Variants in PCDHA7 observed in about 807,000 individuals in gnomAD.
The protein encoded by PCDHA7 is protocadherin alpha 7.
PCDHA7 carries 37 observed loss-of-function variants against 57.2 expected under a neutral mutation model. The observed-to-expected ratio is 0.65, with a 90% confidence interval of 0.50 to 0.85. PCDHA7 has a LOEUF of 0.85. Ranked by LOEUF, PCDHA7 falls within the 40% of genes least tolerant of loss-of-function variation. PCDHA7 has a pLI of 0.00. For missense variants in PCDHA7, 1,188 were observed against 1,241.8 expected (o/e 0.96, Z 0.65); for synonymous variants, 553 against 558.8 (o/e 0.99, Z 0.15).
chr5:140,928,399 T>C (rs1554205848), intron 1 of PCDHA7: 1 of 1,613,926 alleles, frequency 6.2e-7, no homozygotes, highest in African/African-American at 1.3e-5. Flanking sequence ...AGTGGAATCA[T>C]CCAGTGGGGC....
intron 1 of PCDHA7, chr5:140,867,441 G>A (rs1188505395): frequency 1.3e-5 from 2 of 152,032 alleles, no homozygotes; most frequent in African/African-American, 4.8e-5. Flanking sequence ...GCATTTACCT[G>A]AATTAGAGTT....
rs2098416892 is a variant in PCDHA7, at chr5:141,010,305, G to A, written c.*368G>A. ...TGACACTTGCAGGGCAGGCTGAAAA[G>A]TTTTGAGATTGAGCAGCTTGGGAGT... is the stretch of plus-strand genomic sequence containing the variant. On this transcript the variant is annotated 3_prime_UTR_variant, in exon 4 of 4. Coordinates refer to ENST00000525929, the MANE Select transcript of PCDHA7 (RefSeq NM_018910.3). 1 of 1,548,478 alleles carries A rather than the reference G, an allele frequency of 6.5e-7. No individual in the cohort carries two copies. The highest frequency in any genetic ancestry group is 2.4e-5 in the East Asian group (1 of 40,890).
intron 1 of PCDHA7, among the ~76,000 whole-genome samples, chr5:140,886,721 G>A (rs2061104522): frequency 6.6e-6 from 1 of 151,592 alleles, no homozygotes; most frequent in Non-Finnish European, 1.5e-5. Context: ...AGCTACTTGG[G>A]AGGCTGAAGC....
At position 140,876,392 on chromosome 5, in the gene PCDHA7, A is replaced by C. The variant is rs373053230; in HGVS notation, c.2355+39654A>C. ...ACAGGTGAAATTAGAATTTATGGTG[A>C]ACTGGATTTTGAAGAGAATAATGCC... On this transcript the variant is annotated intron_variant, in intron 1 of 3. Transcript: ENST00000525929. 1.2e-4 allele frequency: 194 copies of C among 1,613,822 alleles called. No individual in the cohort carries two copies. The highest frequency in any genetic ancestry group is 1.6e-4 in the Non-Finnish European group (184 of 1,179,914).
At position 140,993,460 on chromosome 5, in the gene PCDHA7, T is replaced by TCACACA. The variant is rs1554253699; in HGVS notation, c.2503+10898_2503+10899insACACAC. ...TTCATTCCTGTTCTCCTTCTTTCTT[T>TCACACA]CTCACACACACACACACACACACAC... On this transcript the variant is annotated intron_variant, in intron 3 of 3. Transcript: ENST00000525929. Among the ~76,000 whole-genome samples, 49 of 104,564 alleles carry TCACACA rather than the reference T, an allele frequency of 4.7e-4. 1 individual carries two copies. Among genetic ancestry groups the TCACACA allele is most frequent in the Admixed American group, 1.8e-3 (15 of 8,460 alleles). 68.6% of individuals were successfully genotyped at this position (104,564 alleles called of 152,430 possible).
chr5:140,850,675 C>A (rs2150493362), intron 1 of PCDHA7: 3 of 1,598,470 alleles, frequency 1.9e-6, no homozygotes, highest in Non-Finnish European at 2.6e-6. Context: ...TCGGCGATGC[C>A]CACCGAGGGC....
At position 140,910,974 on chromosome 5, in the gene PCDHA7, T is replaced by G. The variant is rs114099897; in HGVS notation, c.2356-67975T>G. Among the ~76,000 whole-genome samples the G allele has an allele frequency of 8.0e-3, 1,211 of 152,160 alleles. 6 individuals carry two copies. The highest frequency in any genetic ancestry group is 0.019 in the African/African-American group (781 of 41,520). On this transcript the variant is annotated intron_variant, in intron 1 of 3. Coordinates refer to ENST00000525929, the MANE Select transcript of PCDHA7 (RefSeq NM_018910.3). ...CGAGTGTAGCACACCTCCTCATGGG[T>G]TATACTCTGAACCTCACCCCTAGGG...
chr5:140,956,852 G>A (rs931766503), intron 1 of PCDHA7, among the ~76,000 whole-genome samples: 1 of 152,062 alleles, frequency 6.6e-6, no homozygotes. Flanking sequence ...TGGGTTAAAT[G>A]GTTGAATGAA....
At chr5:140,948,823 A>G (rs1554218722) in intron 1 of PCDHA7, among the ~76,000 whole-genome samples, 2 of 151,238 alleles carry the variant, frequency 1.3e-5, no homozygotes, top group African/African-American at 4.8e-5. Flanking sequence ...TATTTCATTA[A>G]TTTCTGCTTT....
At chr5:140,841,954 C>A (rs1282125752) in intron 1 of PCDHA7, 1 of 1,613,776 alleles carries the variant, frequency 6.2e-7, no homozygotes, top group Non-Finnish European at 8.5e-7. Context: ...ACCACTTATT[C>A]CTGACAGCCA....
intron 1 of PCDHA7, among the ~76,000 whole-genome samples, chr5:140,926,169 G>C (rs1212199081): frequency 6.6e-6 from 1 of 151,734 alleles, no homozygotes; most frequent in Non-Finnish European, 1.5e-5. Flanking sequence ...GCAGGATCCA[G>C]CGCGGAAAGC....
At chr5:140,850,217 C>A (rs2150473800) in intron 1 of PCDHA7, 2 of 1,593,480 alleles carry the variant, frequency 1.3e-6, no homozygotes, top group African/African-American at 1.3e-5. Context: ...GGGGCACTGA[C>A]GGCGCAGTGA....
rs183321184 is a variant in PCDHA7 at position 140,907,756 on chromosome 5, C to G, written c.2355+71018C>G. 7.8e-3 allele frequency among the ~76,000 whole-genome samples: 1,193 copies of G among 152,264 alleles called. 22 individuals carry two copies. The highest frequency in any genetic ancestry group is 0.027 in the African/African-American group (1,101 of 41,546). On this transcript the variant is annotated intron_variant, in intron 1 of 3. Coordinates refer to ENST00000525929, the MANE Select transcript of PCDHA7 (RefSeq NM_018910.3). ...CCACCATGGCCACTTTGTTCATGGGCCCATTGGGTGATGACAGGGGTGGCT... is the reference window on the plus strand; with the variant it reads ...CCACCATGGCCACTTTGTTCATGGGGCCATTGGGTGATGACAGGGGTGGCT...
intron 1 of PCDHA7, among the ~76,000 whole-genome samples, chr5:140,938,157 G>A (rs532966795): frequency 6.6e-6 from 1 of 151,904 alleles, no homozygotes; most frequent in East Asian, 1.9e-4. Context: ...CATTGCCCAG[G>A]CTAGTCTGGA....
At chr5:140,938,719 T>A (rs1484492024) in intron 1 of PCDHA7, among the ~76,000 whole-genome samples, 2 of 152,098 alleles carry the variant, frequency 1.3e-5, no homozygotes, top group African/African-American at 4.8e-5. Context: ...TAGAAACGCG[T>A]TTCTACAGAA....
Position 140,856,093 on chromosome 5 carries a change from C to T in PCDHA7, c.2355+19355C>T, listed in dbSNP as rs533343357. 16 of 1,597,146 alleles carry T rather than the reference C, an allele frequency of 1.0e-5. 3 individuals are homozygous for T. Among genetic ancestry groups the T allele is most frequent in the South Asian group, 7.7e-5 (7 of 90,462 alleles). ...GCCTGGGGGTCCAGTGTCTGCTGCT[C>T]TCGCTTCTTCTCCTCGCAGCCTGGG... is the stretch of plus-strand genomic sequence containing the variant. On this transcript the variant is annotated intron_variant, in intron 1 of 3. Coordinates refer to ENST00000525929, the MANE Select transcript of PCDHA7 (RefSeq NM_018910.3).
At chr5:140,875,997 T>C in intron 1 of PCDHA7, 13 of 1,613,924 alleles carry the variant, frequency 8.1e-6, no homozygotes, top group South Asian at 1.1e-5. Context: ...TAAGTCTAAA[T>C]GAGAATTTTG....
At chr5:140,929,241 T>TG (rs2085975080) in intron 1 of PCDHA7, 1 of 1,613,878 alleles carries the variant, frequency 6.2e-7, no homozygotes. Context: ...TGCGAAATCT[T>TG]GCCACTGGGG....
chr5:140,856,203 G>GGCTGGA (rs782244369), intron 1 of PCDHA7: 1 of 1,597,978 alleles, frequency 6.3e-7, no homozygotes, highest in African/African-American at 1.3e-5. Context: ...CAGGACCTGG[G>GGCTGGA]GCTGGAGCTG....
Sources: gnomAD v4.1 joint callset for allele counts (sites outside exome capture counted in the v4.1 genomes callset) on GRCh38, gnomAD v4.1.1 for gene constraint, MANE v1.5 for transcripts, NCBI Gene and HGNC (gene_info 2026-07-23, HGNC 2026-07-21) for gene names.